Variants in ENKUR observed in about 807,000 individuals in gnomAD.
ENKUR encodes the protein enkurin, TRPC channel interacting protein, also known as enkurin.
In ENKUR, 19 loss-of-function variants were observed where a neutral mutation model predicts 27.6. That is an observed-to-expected ratio of 0.69 (90% CI 0.48 to 1.01). The LOEUF (loss-of-function observed/expected upper bound fraction) is 1.01. Ranked by LOEUF, ENKUR falls within the 50% of genes least tolerant of loss-of-function variation. The pLI, the probability that ENKUR is intolerant of heterozygous loss-of-function variation, is 0.00. For missense variants in ENKUR, 312 were observed against 310.5 expected (o/e 1.00, Z -0.04); for synonymous variants, 117 against 96.9 (o/e 1.21, Z -1.22).
chr10:25,054,077 C>T (rs1281126573), intron 2 of ENKUR, among the ~76,000 whole-genome samples: 2 of 152,158 alleles, frequency 1.3e-5, no homozygotes, highest in Non-Finnish European at 2.9e-5. Flanking sequence ...TGACTGCAAA[C>T]GTAATGCATG....
At chr10:25,056,709 G>A (rs573830217) in intron 2 of ENKUR, among the ~76,000 whole-genome samples, 111 of 152,326 alleles carry the variant, frequency 7.3e-4, no homozygotes, top group Non-Finnish European at 1.1e-3. Flanking sequence ...TGAAACGTTA[G>A]TGCCTAATGT....
At chr10:25,004,953 G>A (rs891922155) in intron 1 of ENKUR, among the ~76,000 whole-genome samples, 1 of 152,158 alleles carries the variant, frequency 6.6e-6, no homozygotes, top group Admixed American at 6.5e-5. Context: ...TGAGAGGAAT[G>A]GGTCCAGTTT....
intron 2 of ENKUR, among the ~76,000 whole-genome samples, chr10:25,033,687 T>C (rs970429013): frequency 1.3e-5 from 2 of 152,068 alleles, no homozygotes; most frequent in African/African-American, 4.8e-5. Flanking sequence ...TTCTAAACCA[T>C]GTATGTTTGG....
At chr10:25,016,707 C>G (rs1441239831), upstream of ENKUR, 1 of 152,394 alleles carries the variant, frequency 6.6e-6, no homozygotes, top group African/African-American at 2.4e-5. Flanking sequence ...GGTGCTCCGT[C>G]TCCTGTGGAG....
At chr10:25,054,529 T>TCTTC (rs1851229800) in intron 2 of ENKUR, among the ~76,000 whole-genome samples, 2 of 144,212 alleles carry the variant, frequency 1.4e-5, no homozygotes, top group Admixed American at 1.4e-4. Flanking sequence ...TTTCTTTCTT[T>TCTTC]CCTTTCTTTC....
chr10:25,013,668 C>T (rs544628535), intron 1 of ENKUR, among the ~76,000 whole-genome samples: 2 of 152,284 alleles, frequency 1.3e-5, no homozygotes, highest in Middle Eastern at 3.4e-3. Context: ...ATAGGCCAGG[C>T]GTGGTGGCTC....
chr10:25,060,473 T>C (rs1011759122), intron 2 of ENKUR, among the ~76,000 whole-genome samples: 1 of 152,212 alleles, frequency 6.6e-6, no homozygotes, highest in Non-Finnish European at 1.5e-5. Flanking sequence ...TGAAAGTCCC[T>C]TAGTTACAAA....
chr10:25,025,590 C>G, intron 2 of ENKUR: 1 of 860,204 alleles, frequency 1.2e-6, no homozygotes, highest in African/African-American at 1.7e-5. Flanking sequence ...AAAGTCTGAT[C>G]TCTAGGGCTG....
At chr10:25,020,585 G>A (rs1850700301), upstream of ENKUR, among the ~76,000 whole-genome samples, 1 of 151,952 alleles carries the variant, frequency 6.6e-6, no homozygotes, top group Admixed American at 6.6e-5. Flanking sequence ...TGGGCAACAT[G>A]GTGAAACCCT....
chr10:25,039,121 AT>A (rs1389885910), intron 2 of ENKUR, among the ~76,000 whole-genome samples: 2 of 152,244 alleles, frequency 1.3e-5, no homozygotes, highest in East Asian at 3.8e-4. Context: ...TTAAGTCTAC[AT>A]TACAATTTTA....
intron 2 of ENKUR, among the ~76,000 whole-genome samples, chr10:25,060,645 T>C (rs1457066039): frequency 6.6e-6 from 1 of 152,140 alleles, no homozygotes; most frequent in Non-Finnish European, 1.5e-5. Context: ...TGCTAGAGAC[T>C]TCACTCTGTT....
At chr10:25,013,934 C>A (rs1338335360) in intron 1 of ENKUR, among the ~76,000 whole-genome samples, 4 of 149,598 alleles carry the variant, frequency 2.7e-5, no homozygotes, top group African/African-American at 9.9e-5. Context: ...AAGAGTGAAA[C>A]TCCGTCTTGA....
At position 25,061,111 on chromosome 10, in the gene ENKUR, C is replaced by A. The variant is rs1270162473; in HGVS notation, c.37+1G>T. ...TGTGAACACAAGAATGTCAGTATTACCTGGGGAGCCACCTCCAGTCACCCG... is the reference window on the plus strand; with the variant it reads ...TGTGAACACAAGAATGTCAGTATTAACTGGGGAGCCACCTCCAGTCACCCG... On this transcript the variant is annotated splice_donor_variant, in intron 2 of 5. Coordinates refer to the ENKUR transcript ENST00000615958. LOFTEE classifies it high-confidence loss of function. 6.5e-7 allele frequency: 1 copy of A among 1,536,030 alleles called. No homozygotes were observed. The highest frequency in any genetic ancestry group is 1.2e-5 in the South Asian group (1 of 84,052).
In ENKUR at chr10:24,984,885, T is replaced by C. The variant is rs1849748234; in HGVS notation, c.615A>G (p.Glu205=). Residue 205 remains glutamate, a synonymous_variant, in exon 5 of 6, where the codon GAA becomes GAG. Coordinates refer to ENST00000331161, the MANE Select transcript of ENKUR (RefSeq NM_145010.4). ...AVLQGLKKNW[E]EVHKEFQSLS... is the part of the protein sequence containing the mutation. ...GGGACTGGAATTCTTTATGCACCTCTTCCCAGTTCTTTTTCAGCCCCTGCA... is the reference window on the plus strand; with the variant it reads ...GGGACTGGAATTCTTTATGCACCTCCTCCCAGTTCTTTTTCAGCCCCTGCA... 3 of 1,612,772 alleles carry C rather than the reference T, an allele frequency of 1.9e-6. No homozygotes were observed. Among genetic ancestry groups the C allele is most frequent in the Non-Finnish European group, 2.5e-6 (3 of 1,179,622 alleles).
intron 2 of ENKUR, among the ~76,000 whole-genome samples, chr10:25,042,110 C>G (rs1231828199): frequency 6.6e-6 from 1 of 151,922 alleles, no homozygotes; most frequent in African/African-American, 2.4e-5. Flanking sequence ...TTAGGAAACT[C>G]ACACTGAAAT....
chr10:25,048,167 G>T (rs1211510678), intron 2 of ENKUR, among the ~76,000 whole-genome samples: 1 of 152,090 alleles, frequency 6.6e-6, no homozygotes, highest in African/African-American at 2.4e-5. Flanking sequence ...TCACAAAACC[G>T]CAGGTCATGG....
chr10:25,011,761 C>A (rs2132721540), intron 1 of ENKUR, among the ~76,000 whole-genome samples: 1 of 152,238 alleles, frequency 6.6e-6, no homozygotes, highest in African/African-American at 2.4e-5. Context: ...GGAAGCAGAG[C>A]ATAAAAGTTC....
At chr10:24,991,730 T>A (rs1219487914) in intron 3 of ENKUR, among the ~76,000 whole-genome samples, 1 of 152,200 alleles carries the variant, frequency 6.6e-6, no homozygotes, top group Non-Finnish European at 1.5e-5. Context: ...TCTTCAAGTA[T>A]ACCAAGGCAA....
At chr10:25,023,414 C>A in intron 2 of ENKUR, 1 of 1,614,104 alleles carries the variant, frequency 6.2e-7, no homozygotes. Context: ...ATGGGACCTC[C>A]TGGTGCTGGG....
Sources: allele counts gnomAD v4.1 joint callset (sites outside exome capture counted in the v4.1 genomes callset), GRCh38; gene constraint gnomAD v4.1.1; transcripts MANE v1.5; gene names NCBI Gene and HGNC (gene_info 2026-07-23, HGNC 2026-07-21).